Variants in SIPA1L3 observed in about 807,000 individuals in gnomAD.
SIPA1L3 encodes signal-induced proliferation-associated 1-like protein 3.
A neutral mutation model predicts 150.1 loss-of-function variants in SIPA1L3; 59 were observed. That is an observed-to-expected ratio of 0.39 (90% CI 0.32 to 0.49). The LOEUF (loss-of-function observed/expected upper bound fraction) is 0.49, where lower values mean the gene tolerates loss of function less well. Among genes scored for constraint, SIPA1L3 ranks in the 20% least tolerant of loss-of-function variants. SIPA1L3 has a pLI of 0.86. For missense variants in SIPA1L3, 2,211 were observed against 2,489.5 expected, an observed-to-expected ratio of 0.89 and a Z score of 2.38; for synonymous variants, 1,070 against 1,077.6, an observed-to-expected ratio of 0.99 and a Z score of 0.14.
intron 3 of SIPA1L3, among the ~76,000 whole-genome samples, chr19:38,083,992 C>CAAAA (rs748446835): frequency 2.8e-5 from 2 of 71,490 alleles, no homozygotes; most frequent in Non-Finnish European, 5.8e-5. Context: ...GACTCTGTCT[C>CAAAA]AAAAAAAAAA....
chr19:38,067,492 G>A (rs541734440), intron 2 of SIPA1L3, among the ~76,000 whole-genome samples: 1 of 151,850 alleles, frequency 6.6e-6, no homozygotes, highest in Non-Finnish European at 1.5e-5. Context: ...GCCGGGCGTG[G>A]TGGCTCAAGT....
At chr19:38,123,903 T>C (rs1600102502) in intron 9 of SIPA1L3, among the ~76,000 whole-genome samples, 1 of 129,906 alleles carries the variant, frequency 7.7e-6, no homozygotes, top group African/African-American at 3.2e-5. Flanking sequence ...GGCTCCTCAC[T>C]TCCCAGTAGG....
intron 20 of SIPA1L3, chr19:38,203,569 A>C (rs1214514220): frequency 6.5e-6 from 1 of 152,710 alleles, no homozygotes; most frequent in Non-Finnish European, 1.5e-5. Context: ...CGTGGTAGCC[A>C]TGCAGCACCT....
At chr19:38,167,099 G>C (rs1212186665) in intron 15 of SIPA1L3, among the ~76,000 whole-genome samples, 1 of 151,896 alleles carries the variant, frequency 6.6e-6, no homozygotes, top group Non-Finnish European at 1.5e-5. Context: ...TGGGCGTGGT[G>C]GTGGGCACCT....
chr19:38,138,666 G>T (rs1432389013), intron 10 of SIPA1L3, among the ~76,000 whole-genome samples: 1 of 32,712 alleles, frequency 3.1e-5, no homozygotes, highest in African/African-American at 3.4e-4. Context: ...GGGAGGCCAA[G>T]GTGGGCGGAT....
chr19:38,127,274 C>T (rs1262276202), intron 9 of SIPA1L3, among the ~76,000 whole-genome samples: 1 of 152,216 alleles, frequency 6.6e-6, no homozygotes, highest in African/African-American at 2.4e-5. Context: ...TTCCTTCCCT[C>T]TCTTTCCCAA....
At position 38,082,234 on chromosome 19, in the gene SIPA1L3, C is replaced by G. The variant is rs896493680; in HGVS notation, c.669C>G (p.Asn223Lys). 2 of 1,601,804 alleles carry G rather than the reference C, an allele frequency of 1.2e-6. No individual in the cohort carries two copies. ...AGCAGAGCTTCTTCGACATCCTGAA[C>G]GAGTTCCGCAGCGAGCAGCCCGACG... Reference protein sequence around the residue: ...MPEQSFFDILNEFRSEQPDAR... With the variant: ...MPEQSFFDILKEFRSEQPDAR... The change falls in exon 3 of 22, where the codon AAC becomes AAG. Residue 223 changes from asparagine to lysine, a missense_variant. Asn to Lys is a moderately conservative substitution (Grantham distance 94). This residue lies in a region of SIPA1L3 where 587 missense variants were observed against 534.5 expected (regional missense o/e 1.10). Transcript: ENST00000222345.
intron 13 of SIPA1L3, among the ~76,000 whole-genome samples, chr19:38,157,972 G>A (rs547944506): frequency 1.5e-4 from 23 of 152,334 alleles, no homozygotes; most frequent in African/African-American, 5.5e-4. Context: ...TGGGCACGGT[G>A]TCTCATGTCT....
chr19:38,095,083 A>G (rs1177756366), intron 4 of SIPA1L3, among the ~76,000 whole-genome samples: 1 of 152,186 alleles, frequency 6.6e-6, no homozygotes, highest in Non-Finnish European at 1.5e-5. Flanking sequence ...CTCCAAAAAC[A>G]AAATAAATAA....
At chr19:38,112,621 C>A (rs1259703711) in intron 8 of SIPA1L3, among the ~76,000 whole-genome samples, 12 of 152,274 alleles carry the variant, frequency 7.9e-5, no homozygotes, top group Non-Finnish European at 1.6e-4. Flanking sequence ...TTAACAGAGA[C>A]CCATGTGCCC....
chr19:38,123,794 G>A (rs1300107595), intron 9 of SIPA1L3, among the ~76,000 whole-genome samples: 1 of 151,330 alleles, frequency 6.6e-6, no homozygotes, highest in African/African-American at 2.4e-5. Context: ...CCTCCCAGAC[G>A]GGGTGGCGGC....
intron 2 of SIPA1L3, among the ~76,000 whole-genome samples, chr19:38,072,265 G>A (rs1002104094): frequency 5.9e-5 from 9 of 152,188 alleles, no homozygotes; most frequent in African/African-American, 2.2e-4. Flanking sequence ...TTGTTGAAAG[G>A]GTTAACACAT....
chr19:38,019,695 G>A (rs1021133955), intron 1 of SIPA1L3, among the ~76,000 whole-genome samples: 1 of 152,154 alleles, frequency 6.6e-6, no homozygotes, highest in Non-Finnish European at 1.5e-5. Flanking sequence ...ATCAGAGCAC[G>A]GACTTTCTGT....
Position 38,152,846 on chromosome 19 carries a change from G to A in SIPA1L3, c.3540G>A (p.Thr1180=), listed in dbSNP as rs372129344. 38 of 1,610,516 alleles carry A rather than the reference G, an allele frequency of 2.4e-5. 1 individual carries two copies. Among genetic ancestry groups the A allele is most frequent in the Admixed American group, 6.7e-5 (4 of 59,584 alleles). ...TTCTTCTCATCCCCTGCAGGTACAC[G>A]GCTGCCCCACACCCCCTGCTATCTC... ...VRYKPSPERY[T]AAPHPLLSLD... is the part of the protein sequence containing the mutation. Residue 1180 remains threonine (T), a synonymous_variant, in exon 13 of 22, where the codon ACG becomes ACA. Coordinates refer to ENST00000222345, the MANE Select transcript of SIPA1L3 (RefSeq NM_015073.3).
At chr19:38,015,511 C>T (rs1968210668) in intron 1 of SIPA1L3, among the ~76,000 whole-genome samples, 1 of 151,826 alleles carries the variant, frequency 6.6e-6, no homozygotes, top group Non-Finnish European at 1.5e-5. Flanking sequence ...ACTGCTTGAC[C>T]CCAGGAGTTT....
At chr19:38,149,439 G>A (rs760231742) in intron 12 of SIPA1L3, among the ~76,000 whole-genome samples, 2 of 152,144 alleles carry the variant, frequency 1.3e-5, no homozygotes, top group Non-Finnish European at 2.9e-5. Context: ...GATAAAGTAC[G>A]GGTTGTCTGA....
At chr19:38,019,472 C>T (rs1017049909) in intron 1 of SIPA1L3, among the ~76,000 whole-genome samples, 4 of 152,144 alleles carry the variant, frequency 2.6e-5, no homozygotes, top group African/African-American at 9.7e-5. Flanking sequence ...CCTCAAAGTC[C>T]CACAGCTTGT....
At chr19:37,912,523 G>T (rs545398096) in intron 1 of SIPA1L3, among the ~76,000 whole-genome samples, 2 of 151,976 alleles carry the variant, frequency 1.3e-5, no homozygotes, top group African/African-American at 4.8e-5. Flanking sequence ...TTAGAGACAG[G>T]GTCACTCTGT....
intron 4 of SIPA1L3, among the ~76,000 whole-genome samples, chr19:38,090,284 C>T (rs1391330291): frequency 2.0e-5 from 3 of 149,494 alleles, no homozygotes; most frequent in Non-Finnish European, 4.4e-5. Flanking sequence ...GAGCTGAGAT[C>T]GCGCCATTGT....
Sources: gnomAD v4.1 joint callset for allele counts (sites outside exome capture counted in the v4.1 genomes callset) on GRCh38, gnomAD v4.1.1 for gene constraint, gnomAD v4.1.1 regional missense constraint, MANE v1.5 for transcripts, NCBI Gene and HGNC (gene_info 2026-07-23, HGNC 2026-07-21) for gene names.